Variants in INPP5E observed in about 807,000 individuals in gnomAD.
INPP5E encodes the protein phosphatidylinositol polyphosphate 5-phosphatase type IV.
In INPP5E, 34 loss-of-function variants were observed where a neutral mutation model predicts 50.5. The observed-to-expected ratio is 0.67, with a 90% confidence interval of 0.51 to 0.90. The LOEUF (loss-of-function observed/expected upper bound fraction) is 0.90, where lower values mean the gene tolerates loss of function less well. INPP5E is among the 40% of genes least tolerant of loss of function. The probability of loss-of-function intolerance (pLI) is 0.00; values close to 1 mark genes in which losing one functional copy is unlikely to be tolerated. For missense variants in INPP5E, 942 were observed against 905.5 expected, an observed-to-expected ratio of 1.04 and a Z score of -0.52; for synonymous variants, 447 against 406.0, an observed-to-expected ratio of 1.10 and a Z score of -1.21.
chr9:136,432,856 A>C (rs975295280), intron 5 of INPP5E, 100 bp downstream of exon 5: 9 of 1,463,236 alleles, frequency 6.2e-6, no homozygotes, highest in Admixed American at 1.9e-5. Flanking sequence ...TGGGTGGAAG[A>C]TGAAGCCAGC....
chr9:136,433,397 G>T, intron 3 of INPP5E, 118 bp from the exon 4 acceptor site: 1 of 1,410,932 alleles, frequency 7.1e-7, no homozygotes, highest in Admixed American at 2.4e-5. Context: ...CCTGGCCTTG[G>T]TGTCTTGCGC....
In INPP5E at chr9:136,438,502, T is replaced by G. The variant is rs967647696; in HGVS notation, c.812+106A>C. Reference sequence around the variant, plus strand: ...GGGAGACCCGCTTCGTTCTTTCCGGTTAGGCATCTTAAACGCTGCTGATGG... The same window carrying G: ...GGGAGACCCGCTTCGTTCTTTCCGGGTAGGCATCTTAAACGCTGCTGATGG... On this transcript the variant is annotated intron_variant, in intron 1 of 9. Coordinates refer to ENST00000371712, the MANE Select transcript of INPP5E (RefSeq NM_019892.6). The G allele has an allele frequency of 1.6e-5, 16 of 1,006,248 alleles. No individual in the cohort carries two copies. The Admixed American group carries it at 3.0e-4, about 19-fold the overall frequency. The allele number at this position is 1,006,248 out of a possible 1,614,324, so 62.3% of individuals were successfully genotyped here.
At chr9:136,437,030 A>T (rs1189689202) in intron 1 of INPP5E, 1 of 152,258 alleles carries the variant, frequency 6.6e-6, no homozygotes, top group Non-Finnish European at 1.5e-5. Context: ...CTTTAGATGC[A>T]CTAAGAAATC....
rs994157744 is a variant in INPP5E, at chr9:136,438,774, G to T, written c.646C>A (p.Leu216Ile). 5.0e-6 allele frequency: 8 copies of T among 1,612,144 alleles called. No individual in the cohort carries two copies. Residue 216 changes from leucine to isoleucine, a missense_variant, in exon 1 of 10, where the codon CTT (leucine) becomes ATT (isoleucine). Leu to Ile is a conservative substitution (Grantham distance 5). Transcript: ENST00000371712. ...TGCGCGCGGAGCTTGTAGTCTGCAA[G>T]ATCCGAGTCGACCTTGTTTGCTGTC... ...LRTANKVDSDLADYKLRAQPL... is the reference protein window; with the variant it reads ...LRTANKVDSDIADYKLRAQPL...
intron 5 of INPP5E, 124 bp from the exon 6 acceptor site, chr9:136,432,710 C>T (rs549513182): frequency 5.0e-5 from 45 of 892,364 alleles, no homozygotes; most frequent in East Asian, 3.2e-4. Context: ...ACCGGGCATC[C>T]GCTGCCGGGC....
In INPP5E at chr9:136,431,017, C is replaced by T; in HGVS notation, c.1650G>A (p.Arg550=). ...KDTYDSTSKQ[R]TPSYTDRVLY... is the part of the protein sequence containing the mutation. ...CAGGCCTCACCGTGTATGAGGGCGT[C>T]CTCTGCTTGGAGGTGCTGTCGTACG... Residue 550 remains arginine (R), a synonymous_variant, in exon 8 of 10, where the codon AGG becomes AGA. Coordinates refer to ENST00000371712, the MANE Select transcript of INPP5E (RefSeq NM_019892.6). 1.2e-6 allele frequency: 2 copies of T among 1,612,086 alleles called. No individual in the cohort carries two copies. The highest frequency in any genetic ancestry group is 1.7e-6 in the Non-Finnish European group (2 of 1,178,602).
At chr9:136,431,173 C>A in intron 7 of INPP5E, 56 bp from the exon 8 acceptor site, 1 of 1,161,934 alleles carries the variant, frequency 8.6e-7, no homozygotes, top group Non-Finnish European at 1.3e-6. Flanking sequence ...AGCCGCCGCA[C>A]CCCAGGCCCT....
At chr9:136,433,686 C>T (rs867243562) in intron 3 of INPP5E, among the ~76,000 whole-genome samples, 6 of 152,240 alleles carry the variant, frequency 3.9e-5, no homozygotes, top group African/African-American at 9.6e-5. Flanking sequence ...CTTCTACTCT[C>T]GCACGCCAAC....
chr9:136,438,655 G>C lies in INPP5E; in HGVS notation c.765C>G (p.Ser255=). 3 of 1,584,400 alleles carry C rather than the reference G, an allele frequency of 1.9e-6. No individual in the cohort carries two copies. Among genetic ancestry groups the C allele is most frequent in the Non-Finnish European group, 2.6e-6 (3 of 1,165,926 alleles). ...CDDCSLRSAK[S]SFSLLAPIRS... ...GGATGGGCGCCAGGAGGCTGAAGGAGGATTTGGCCGAGCGAAGGGAACAGT... is the reference window on the plus strand; with the variant it reads ...GGATGGGCGCCAGGAGGCTGAAGGACGATTTGGCCGAGCGAAGGGAACAGT... Residue 255 remains serine (S), a synonymous_variant, in exon 1 of 10, where the codon TCC becomes TCG. Coordinates refer to ENST00000371712, the MANE Select transcript of INPP5E (RefSeq NM_019892.6).
At position 136,429,274 on chromosome 9, in the gene INPP5E, C is replaced by A; in HGVS notation, c.*401G>T. 1 of 331,922 alleles carries A rather than the reference C, an allele frequency of 3.0e-6. No individual in the cohort carries two copies. The highest frequency in any genetic ancestry group is 2.7e-5 in the South Asian group (1 of 37,412). 20.6% of individuals were successfully genotyped at this position (331,922 alleles called of 1,614,324 possible). ...CCAGGAGGACACAGATGGACGCCTG[C>A]TTCGGGTGTGGAGGGAGAGGCTGGT... On this transcript the variant is annotated 3_prime_UTR_variant, in exon 10 of 10. Coordinates refer to ENST00000371712, the MANE Select transcript of INPP5E (RefSeq NM_019892.6).
rs1338062785 is a variant in INPP5E, at chr9:136,430,304, C to T, written c.1775G>A (p.Arg592Gln). The change falls in exon 9 of 10, where the codon CGG becomes CAG. Residue 592 changes from arginine to glutamine, a missense_variant. Transcript: ENST00000371712. ...GTCTCGCCCCGGCCTCACTTTCACC[C>T]GGAAGAGGCCATACACAGGGCGGTG... The part of the protein sequence containing the change: ...SDHRPVYGLF[R>Q]VKVRPGRDNI... The T allele has an allele frequency of 6.4e-6, 10 of 1,551,660 alleles. No individual in the cohort carries two copies. The highest frequency in any genetic ancestry group is 1.7e-4 in the Middle Eastern group (1 of 5,990).
rs1835913955 is a variant in INPP5E at position 136,438,953 on chromosome 9, G to A, written c.467C>T (p.Ser156Leu). 4.5e-6 allele frequency: 7 copies of A among 1,570,590 alleles called. No homozygotes were observed. Among genetic ancestry groups the A allele is most frequent in the African/African-American group, 1.3e-5 (1 of 74,332 alleles). The change falls in exon 1 of 10, where the codon TCG (serine) becomes TTG (leucine). Residue 156 changes from serine to leucine, a missense_variant. By Grantham distance (145) the Ser-to-Leu change is moderately radical. Transcript: ENST00000371712. ...VLSSERGSPS[S>L]GGNPLSGVAS... The stretch of plus-strand genomic sequence containing the variant: ...CACCCCAGAGAGAGGGTTACCCCCC[G>A]AGGACGGGCTCCCTCTCTCACTGCT...
At chr9:136,434,238 G>T in intron 2 of INPP5E, 104 bp from the exon 3 acceptor site, 1 of 811,760 alleles carries the variant, frequency 1.2e-6, no homozygotes. Context: ...TCCTCCGAAT[G>T]AGGGGAAACT....
intron 1 of INPP5E, chr9:136,435,660 C>T (rs1446065658): frequency 6.6e-6 from 1 of 152,270 alleles, no homozygotes; most frequent in Non-Finnish European, 1.5e-5. Context: ...ACACTCAGCA[C>T]CTTCTGCCAC....
rs1391336957 is a variant in INPP5E, at chr9:136,431,935, A to G, written c.1438T>C (p.Phe480Leu). Residue 480 changes from phenylalanine to leucine, a missense_variant, in exon 7 of 10, where the codon TTC becomes CTC. Transcript: ENST00000371712. Reference protein sequence around the residue: ...DEVFWFGDFNFRLSGGRTVVD... With the variant: ...DEVFWFGDFNLRLSGGRTVVD... ...ACTGTGCGCCCGCCACTCAGGCGGA[A>G]GTTGAAGTCTCCAAACCAGAACACC... is the stretch of plus-strand genomic sequence containing the variant. 1.2e-5 allele frequency: 20 copies of G among 1,611,884 alleles called. No individual in the cohort carries two copies. Among genetic ancestry groups the G allele is most frequent in the Non-Finnish European group, 1.7e-5 (20 of 1,179,766 alleles).
At chr9:136,434,901 G>T in intron 1 of INPP5E, 38 bp from the exon 2 acceptor site, 1 of 1,586,668 alleles carries the variant, frequency 6.3e-7, no homozygotes, top group South Asian at 1.1e-5. Context: ...GCCAGGCACA[G>T]GACACATCCC....
chr9:136,438,848 G>A lies in INPP5E; in HGVS notation c.572C>T (p.Pro191Leu). 6.2e-7 allele frequency: 1 copy of A among 1,604,616 alleles called. No homozygotes were observed. The highest frequency in any genetic ancestry group is 8.5e-7 in the Non-Finnish European group (1 of 1,176,180). The part of the protein sequence containing the change: ...SSPRLPSLLP[P>L]RPPPALSLDI... ...CAGGCTCAGGGCAGGCGGTGGGCGC[G>A]GGGGCAGCAGGCTGGGCAGCCTGGG... Residue 191 changes from proline (P) to leucine (L), a missense_variant, in exon 1 of 10, where the codon CCG (proline) becomes CTG (leucine). Physicochemically the swap from Pro to Leu is moderately conservative, Grantham distance 98 (BLOSUM62 -3). Transcript: ENST00000371712.
At chr9:136,433,929 G>A in intron 3 of INPP5E, 108 bp downstream of exon 3, 1 of 867,146 alleles carries the variant, frequency 1.2e-6, no homozygotes, top group Non-Finnish European at 1.9e-6. Context: ...GCAGCCCCCG[G>A]GCAGGCACTG....
chr9:136,434,769 C>A lies in INPP5E; in HGVS notation c.907G>T (p.Val303Leu), dbSNP rs746212325. The A allele has an allele frequency of 6.2e-7, 1 of 1,612,076 alleles. No homozygotes were observed. Among genetic ancestry groups the A allele is most frequent in the South Asian group, 1.1e-5 (1 of 90,916 alleles). The change falls in exon 2 of 10, where the codon GTG becomes TTG. Residue 303 changes from valine (V) to leucine (L), a missense_variant. Transcript: ENST00000371712. ...TGGCCCTGCATGTTCCAGGTGGCCA[C>A]GAAGAGTGCCACGTTCCGGTCTGGG... ...YFPDRNVALF[V>L]ATWNMQGQKE...
Sources: gnomAD v4.1 joint callset for allele counts (sites outside exome capture counted in the v4.1 genomes callset) on GRCh38, gnomAD v4.1.1 for gene constraint, MANE v1.5 for transcripts, NCBI Gene and HGNC (gene_info 2026-07-23, HGNC 2026-07-21) for gene names.